Variants in ZNF462 observed in about 807,000 individuals in gnomAD.
ZNF462 encodes the protein zinc finger protein 462.
A neutral mutation model predicts 201.9 loss-of-function variants in ZNF462; 10 were observed. That is an observed-to-expected ratio of 0.05 (90% CI 0.03 to 0.08). The LOEUF is 0.08. Ranked by LOEUF, ZNF462 falls within the 10% of genes least tolerant of loss-of-function variation. The pLI, the probability that ZNF462 is intolerant of heterozygous loss-of-function variation, is 1.00. For synonymous variants in ZNF462, 1,227 were observed against 1,193.3 expected (o/e 1.03, Z -0.58); for missense variants, 2,523 against 3,168.3 (o/e 0.80, Z 4.89).
chr9:106,878,032 C>G (rs1827914367), intron 1 of ZNF462, among the ~76,000 whole-genome samples: 1 of 152,156 alleles, frequency 6.6e-6, no homozygotes, highest in South Asian at 2.1e-4. Context: ...TTTGGGAATG[C>G]TACTGTCACA....
intron 7 of ZNF462, among the ~76,000 whole-genome samples, chr9:106,939,672 G>A (rs1306182009): frequency 6.6e-6 from 1 of 152,142 alleles, no homozygotes; most frequent in Non-Finnish European, 1.5e-5. Flanking sequence ...GTTTAGTTTT[G>A]GAGTTTCAGA....
intron 7 of ZNF462, among the ~76,000 whole-genome samples, chr9:106,945,174 C>G (rs568138525): frequency 6.6e-6 from 1 of 152,000 alleles, no homozygotes; most frequent in Admixed American, 6.6e-5. Context: ...GTAACTTGAC[C>G]TAAATATATT....
chr9:107,004,283 A>G (rs1469790361), intron 11 of ZNF462, among the ~76,000 whole-genome samples: 1 of 152,204 alleles, frequency 6.6e-6, no homozygotes, highest in Non-Finnish European at 1.5e-5. Context: ...CAGAGATGAG[A>G]ATAGTACTAG....
In ZNF462 at chr9:106,902,790, T is replaced by G. The variant is rs1364825991; in HGVS notation, c.-30-20564T>G. Among the ~76,000 whole-genome samples, 1 of 152,188 alleles carries G rather than the reference T, an allele frequency of 6.6e-6. No individual in the cohort carries two copies. The highest frequency in any genetic ancestry group is 1.5e-5 in the Non-Finnish European group (1 of 68,012). On this transcript the variant is annotated intron_variant, in intron 1 of 12. Coordinates refer to ENST00000277225, the MANE Select transcript of ZNF462 (RefSeq NM_021224.6). The surrounding 1 kb of genome is among the most constrained non-coding windows in gnomAD (Gnocchi z 4.2). ...TAATATCACCTGTTTTGTTTCTTAGTGAGGTTATTTGGATTTTCTCTCTTC... is the reference window on the plus strand; with the variant it reads ...TAATATCACCTGTTTTGTTTCTTAGGGAGGTTATTTGGATTTTCTCTCTTC...
chr9:106,899,240 G>GT (rs1554697337), intron 1 of ZNF462, among the ~76,000 whole-genome samples: 1,101 of 43,812 alleles, frequency 0.025, 21 homozygotes, highest in African/African-American at 0.11. Context: ...GTGTGTGTGT[G>GT]GGGGGGGGGG....
At chr9:106,959,382 T>C (rs1467261272) in intron 7 of ZNF462, among the ~76,000 whole-genome samples, 1 of 152,112 alleles carries the variant, frequency 6.6e-6, no homozygotes, top group South Asian at 2.1e-4. Context: ...GTCCAAATGC[T>C]TCCATCCATA....
At chr9:106,958,774 A>G (rs1831694920) in intron 7 of ZNF462, among the ~76,000 whole-genome samples, 1 of 152,112 alleles carries the variant, frequency 6.6e-6, no homozygotes, top group Non-Finnish European at 1.5e-5. Context: ...TCCACTGTAG[A>G]TGACGTGGCA....
rs138956824 is a variant in ZNF462, at chr9:106,951,051, C to T, written c.6427+11944C>T. ...GTTGCAGTGAGCCGAGATCACACCA[C>T]TGCACTCCAGCCTGGGCAACAGAGT... On this transcript the variant is annotated intron_variant, in intron 7 of 12. Coordinates refer to ENST00000277225, the MANE Select transcript of ZNF462 (RefSeq NM_021224.6). Among the ~76,000 whole-genome samples the T allele has an allele frequency of 9.8e-3, 1,483 of 151,874 alleles. 24 individuals carry two copies. Among genetic ancestry groups the T allele is most frequent in the African/African-American group, 0.034 (1,402 of 41,290 alleles).
At position 106,876,984 on chromosome 9, in the gene ZNF462, A is replaced by G. The variant is rs1202804355; in HGVS notation, c.-31+13629A>G. ...GCAAATGTTTATTTCAATAGTCCAC[A>G]TCTACTTGGTCTTACTAATGTACTA... On this transcript the variant is annotated intron_variant, in intron 1 of 12. Coordinates refer to ENST00000277225, the MANE Select transcript of ZNF462 (RefSeq NM_021224.6). This position sits in a 1 kb window ranked among gnomAD's most constrained non-coding sequence, Gnocchi z 4.9. Among the ~76,000 whole-genome samples, 5 of 152,212 alleles carry G rather than the reference A, an allele frequency of 3.3e-5. No individual in the cohort carries two copies. The highest frequency in any genetic ancestry group is 5.9e-5 in the Non-Finnish European group (4 of 68,036).
chr9:106,873,548 A>C (rs921828788), intron 1 of ZNF462, among the ~76,000 whole-genome samples: 14 of 152,192 alleles, frequency 9.2e-5, no homozygotes, highest in Admixed American at 2.0e-4. Context: ...GATGTTTGAA[A>C]ATTAGTTCTA....
chr9:106,951,089 CA>C (rs113029598), intron 7 of ZNF462, among the ~76,000 whole-genome samples: 47 of 140,628 alleles, frequency 3.3e-4, no homozygotes, highest in East Asian at 8.1e-4. Flanking sequence ...AACTCCATCT[CA>C]AAAAAAAAAA....
rs780597360 is a variant in ZNF462 at position 107,011,741 on chromosome 9, AT to A, written c.*718del. 1.3e-5 allele frequency: 2 copies of A among 152,144 alleles called. No individual in the cohort carries two copies. Among genetic ancestry groups the A allele is most frequent in the African/African-American group, 4.8e-5 (2 of 41,446 alleles). 9.4% of individuals were successfully genotyped at this position (152,144 alleles called of 1,614,324 possible). ...GGGTTTTATTTCTTAAAATACTGTG[AT>A]TTTTTTAATTATTTTAGTAAAAAAC... On this transcript the variant is annotated 3_prime_UTR_variant, in exon 13 of 13. Transcript: ENST00000277225. This position sits in a 1 kb window ranked among gnomAD's most constrained non-coding sequence, Gnocchi z 5.6.
chr9:106,860,207 G>T (rs1351099288), upstream of ZNF462, among the ~76,000 whole-genome samples: 1 of 152,218 alleles, frequency 6.6e-6, no homozygotes, highest in Non-Finnish European at 1.5e-5. This position sits in a 1 kb window ranked among gnomAD's most constrained non-coding sequence, Gnocchi z 7.1. Context: ...TATCTCGGTC[G>T]CTCGAGGTGA....
chr9:106,927,806 C>T lies in ZNF462; in HGVS notation c.3894C>T (p.Ile1298=). ...HPALKATVTS[I]MRWAFLDGLI... ...CCCTGAAAGCCACAGTCACGTCCAT[C>T]ATGCGATGGGCATTTCTAGATGGCT... The change falls in exon 3 of 13, where the codon ATC becomes ATT. Residue 1298 remains isoleucine (I), a synonymous_variant. Coordinates refer to ENST00000277225, the MANE Select transcript of ZNF462 (RefSeq NM_021224.6). The T allele has an allele frequency of 6.2e-7, 1 of 1,614,160 alleles. No homozygotes were observed. Among genetic ancestry groups the T allele is most frequent in the South Asian group, 1.1e-5 (1 of 91,076 alleles).
intron 10 of ZNF462, among the ~76,000 whole-genome samples, chr9:106,985,786 G>A (rs191327395): frequency 6.6e-6 from 1 of 152,110 alleles, no homozygotes; most frequent in Admixed American, 6.5e-5. Flanking sequence ...GTTCTGTGGG[G>A]TGTTGAGAGA....
chr9:106,917,669 G>A lies in ZNF462; in HGVS notation c.-30-5685G>A, dbSNP rs1829828542. 6.6e-6 allele frequency among the ~76,000 whole-genome samples: 1 copy of A among 152,052 alleles called. No homozygotes were observed. Among genetic ancestry groups the A allele is most frequent in the Non-Finnish European group, 1.5e-5 (1 of 68,004 alleles). ...AAACCTTTCATTAGTGTGGTGAATT[G>A]CCAAGAGTACACAGAACTGCTTAGA... On this transcript the variant is annotated intron_variant, in intron 1 of 12. Transcript: ENST00000277225. The surrounding 1 kb of genome is among the most constrained non-coding windows in gnomAD (Gnocchi z 4.5).
At chr9:106,960,904 A>T (rs553022448) in intron 7 of ZNF462, among the ~76,000 whole-genome samples, 1 of 152,124 alleles carries the variant, frequency 6.6e-6, no homozygotes, top group East Asian at 1.9e-4. Flanking sequence ...TTTCTGAGCC[A>T]CTACAAGTCT....
chr9:107,007,407 G>T (rs1588208159), intron 11 of ZNF462, among the ~76,000 whole-genome samples: 1 of 152,178 alleles, frequency 6.6e-6, no homozygotes, highest in African/African-American at 2.4e-5. Context: ...GAACTTCAGG[G>T]TCTCCTCTTC....
intron 6 of ZNF462, among the ~76,000 whole-genome samples, chr9:106,936,571 A>T (rs951081649): frequency 6.6e-5 from 10 of 152,246 alleles, no homozygotes; most frequent in Non-Finnish European, 1.5e-5. Flanking sequence ...GGGACAGGGA[A>T]GTTAGCTATA....
Sources: gnomAD v4.1 joint callset for allele counts (sites outside exome capture counted in the v4.1 genomes callset) on GRCh38, gnomAD v4.1.1 for gene constraint, Gnocchi (gnomAD v3.1) non-coding constraint, MANE v1.5 for transcripts, NCBI Gene and HGNC (gene_info 2026-07-23, HGNC 2026-07-21) for gene names.